Variants in SOS2 observed in about 807,000 individuals in gnomAD.
SOS2 encodes SOS Ras/Rho guanine nucleotide exchange factor 2.
SOS2 carries 65 observed loss-of-function variants against 148.2 expected under a neutral mutation model. The observed-to-expected ratio is 0.44, with a 90% confidence interval of 0.36 to 0.54. SOS2 has a LOEUF of 0.54. SOS2 is among the 20% of genes least tolerant of loss of function. SOS2 has a pLI of 0.00. For missense variants in SOS2, 1,341 were observed against 1,590.2 expected, an observed-to-expected ratio of 0.84 and a Z score of 2.67; for synonymous variants, 539 against 537.1, an observed-to-expected ratio of 1.00 and a Z score of -0.05.
intron 8 of SOS2, among the ~76,000 whole-genome samples, chr14:50,165,595 ATTAT>A (rs1381550405): frequency 6.6e-6 from 1 of 152,110 alleles, no homozygotes; most frequent in African/African-American, 2.4e-5. Context: ...TAATATTGTA[ATTAT>A]TTGTTTGACA....
In SOS2 at chr14:50,130,682, T is replaced by G; in HGVS notation, c.3156A>C (p.Leu1052Phe). The G allele has an allele frequency of 6.2e-7, 1 of 1,613,940 alleles. No homozygotes were observed. The highest frequency in any genetic ancestry group is 8.5e-7 in the Non-Finnish European group (1 of 1,179,800). Residue 1052 changes from leucine (L) to phenylalanine (F), a missense_variant, in exon 20 of 23, where the codon TTA becomes TTC. Coordinates refer to ENST00000216373, the MANE Select transcript of SOS2 (RefSeq NM_006939.4). ...TGRHGSTSGT[L>F]RGHPTPLERE... ...TTTCTAATGGTGTTGGGTGACCTCG[T>G]AAAGTACCTGAGGTAGAGCCATGTC...
intron 7 of SOS2, among the ~76,000 whole-genome samples, chr14:50,176,160 G>C (rs1885515988): frequency 6.6e-6 from 1 of 152,188 alleles, no homozygotes; most frequent in Non-Finnish European, 1.5e-5. Flanking sequence ...TCCATCATGT[G>C]AGGACACAAC....
intron 8 of SOS2, among the ~76,000 whole-genome samples, chr14:50,166,977 G>A (rs1013108672): frequency 3.3e-5 from 5 of 152,184 alleles, no homozygotes; most frequent in Non-Finnish European, 7.4e-5. Flanking sequence ...GAAGGTCAAG[G>A]CAGGAGGATC....
rs1886595806 is a variant in SOS2 at position 50,204,362 on chromosome 14, G to C, written c.135C>G (p.Leu45=). The C allele has an allele frequency of 6.3e-7, 1 of 1,589,382 alleles. No individual in the cohort carries two copies. Among genetic ancestry groups the C allele is most frequent in the Non-Finnish European group, 8.6e-7 (1 of 1,159,488 alleles). Residue 45 remains leucine (L), a synonymous_variant, in exon 2 of 23, where the codon CTC becomes CTG. Coordinates refer to ENST00000216373, the MANE Select transcript of SOS2 (RefSeq NM_006939.4). Reference sequence around the variant, plus strand: ...GAAAAATCAGCTCTTCAATATAATAGAGAGACTCTTCATTAGCTGAGAGAG... The same window carrying C: ...GAAAAATCAGCTCTTCAATATAATACAGAGACTCTTCATTAGCTGAGAGAG... ...HPTLSANEES[L]YYIEELIFQL... is the part of the protein sequence containing the mutation.
Position 50,161,558 on chromosome 14 carries a change from C to T in SOS2, c.1120G>A (p.Ala374Thr). ...EQEDRECLNQAITALMNLQGS... is the reference protein window; with the variant it reads ...EQEDRECLNQTITALMNLQGS... ...TGGAGATTCATGAGAGCAGTAATAG[C>T]TTGGTTCAAACATTCTCTGTCTTCT... The change falls in exon 9 of 23, where the codon GCT becomes ACT. Residue 374 changes from alanine to threonine, a missense_variant. By Grantham distance (58) the Ala-to-Thr change is moderately conservative (BLOSUM62 0). Coordinates refer to ENST00000216373, the MANE Select transcript of SOS2 (RefSeq NM_006939.4). 4 of 1,612,596 alleles carry T rather than the reference C, an allele frequency of 2.5e-6. No individual in the cohort carries two copies. Among genetic ancestry groups the T allele is most frequent in the Non-Finnish European group, 2.5e-6 (3 of 1,178,756 alleles).
rs989510989 is a variant in SOS2, at chr14:50,141,737, C to T, written c.2668-1678G>A. Among the ~76,000 whole-genome samples the T allele has an allele frequency of 5.9e-5, 9 of 151,992 alleles. No individual in the cohort carries two copies. The South Asian group carries it at 1.0e-3, about 18-fold the overall frequency. ...AGCCAATGCAACTCCTATCAAAATG[C>T]CAATTTAAAAAAATGGAGCTTAAAT... is the stretch of plus-strand genomic sequence containing the variant. On this transcript the variant is annotated intron_variant, in intron 16 of 22. Coordinates refer to ENST00000216373, the MANE Select transcript of SOS2 (RefSeq NM_006939.4).
At chr14:50,119,178 C>T (rs1883415126) in intron 22 of SOS2, among the ~76,000 whole-genome samples, 1 of 152,152 alleles carries the variant, frequency 6.6e-6, no homozygotes, top group Admixed American at 6.5e-5. Context: ...GACATGATGT[C>T]TAGAGGACTT....
chr14:50,176,964 C>T (rs374598099), intron 7 of SOS2, among the ~76,000 whole-genome samples: 10 of 152,156 alleles, frequency 6.6e-5, no homozygotes, highest in East Asian at 5.8e-4. Flanking sequence ...GAGCCAAGAT[C>T]GCGCCACTGC....
chr14:50,206,079 G>C (rs1886651236), intron 1 of SOS2, among the ~76,000 whole-genome samples: 1 of 151,932 alleles, frequency 6.6e-6, no homozygotes, highest in Non-Finnish European at 1.5e-5. Context: ...ATCTTTTAAA[G>C]AACCAACTTT....
intron 1 of SOS2, among the ~76,000 whole-genome samples, chr14:50,222,681 T>C (rs1160133972): frequency 6.6e-6 from 1 of 152,138 alleles, no homozygotes; most frequent in Non-Finnish European, 1.5e-5. Flanking sequence ...GTCTACGTTA[T>C]AGAAACAAGA....
At chr14:50,126,982 T>C (rs1254816203) in intron 21 of SOS2, among the ~76,000 whole-genome samples, 1 of 152,100 alleles carries the variant, frequency 6.6e-6, no homozygotes, top group Non-Finnish European at 1.5e-5. Flanking sequence ...AGAGAATGCC[T>C]TAAAAGTTTC....
At chr14:50,127,138 C>CTTTT (rs5808538) in intron 21 of SOS2, among the ~76,000 whole-genome samples, 1 of 105,330 alleles carries the variant, frequency 9.5e-6, no homozygotes, top group Non-Finnish European at 1.8e-5. Context: ...AGAAGGTCTC[C>CTTTT]TTTTTTTTTT....
At chr14:50,210,900 CTA>C (rs1886848882) in intron 1 of SOS2, among the ~76,000 whole-genome samples, 1 of 152,102 alleles carries the variant, frequency 6.6e-6, no homozygotes, top group Non-Finnish European at 1.5e-5. Context: ...ATGTTGGTAA[CTA>C]TGTGGAGCAA....
At position 50,180,594 on chromosome 14, in the gene SOS2, G is replaced by C. The variant is rs1885702697; in HGVS notation, c.947C>G (p.Pro316Arg). 6.4e-7 allele frequency: 1 copy of C among 1,570,188 alleles called. No individual in the cohort carries two copies. Among genetic ancestry groups the C allele is most frequent in the African/African-American group, 1.4e-5 (1 of 72,834 alleles). ...TACCTGAAAGTGTAGAGCAACTGCAGGTCTGGCCATCAATTTATTGAAATG... is the reference window on the plus strand; with the variant it reads ...TACCTGAAAGTGTAGAGCAACTGCACGTCTGGCCATCAATTTATTGAAATG... ...HEHFNKLMARPAVALHFQSIA... is the reference protein window; with the variant it reads ...HEHFNKLMARRAVALHFQSIA... The change falls in exon 7 of 23, where the codon CCT (proline) becomes CGT (arginine). Residue 316 changes from proline to arginine, a missense_variant. Around this residue, in one of 4 missense-constraint regions of SOS2, gnomAD observed 574 missense variants for 711.1 expected, o/e 0.81. Transcript: ENST00000216373.
At chr14:50,129,886 A>G in intron 21 of SOS2, 75 bp downstream of exon 21, 1 of 915,220 alleles carries the variant, frequency 1.1e-6, no homozygotes, top group Non-Finnish European at 1.7e-6. Context: ...CCAAAACTCA[A>G]AATACTCAAA....
chr14:50,168,811 T>C (rs1209763916), intron 8 of SOS2, among the ~76,000 whole-genome samples: 1 of 152,222 alleles, frequency 6.6e-6, no homozygotes, highest in Non-Finnish European at 1.5e-5. Flanking sequence ...CCTTTAGTAG[T>C]AGAAAACACA....
intron 6 of SOS2, 22 bp downstream of exon 6, chr14:50,182,441 A>T (rs772635504): frequency 6.2e-7 from 1 of 1,610,238 alleles, no homozygotes; most frequent in African/African-American, 1.3e-5. Flanking sequence ...TAATGAGAAT[A>T]TAAGTAGTTT....
chr14:50,169,100 T>A (rs1368405799), intron 8 of SOS2, among the ~76,000 whole-genome samples: 1 of 150,930 alleles, frequency 6.6e-6, no homozygotes, highest in African/African-American at 2.4e-5. Context: ...TCATTTGAGG[T>A]CAGGAGTTTG....
intron 1 of SOS2, among the ~76,000 whole-genome samples, chr14:50,219,536 A>T (rs536587168): frequency 3.3e-5 from 5 of 152,292 alleles, no homozygotes; most frequent in African/African-American, 9.6e-5. Flanking sequence ...AGTGGGGAGA[A>T]ATAGGAGGGA....
Sources: gnomAD v4.1 joint callset for allele counts (sites outside exome capture counted in the v4.1 genomes callset) on GRCh38, gnomAD v4.1.1 for gene constraint, gnomAD v4.1.1 regional missense constraint, MANE v1.5 for transcripts, NCBI Gene and HGNC (gene_info 2026-07-23, HGNC 2026-07-21) for gene names.